Variants in LYSMD2 observed in about 807,000 individuals in gnomAD.
LYSMD2 encodes LysM domain containing 2.
A neutral mutation model predicts 17.7 loss-of-function variants in LYSMD2; 6 were observed. The ratio of observed to expected loss-of-function variants is 0.34; its 90% CI spans 0.19 to 0.67. The LOEUF is 0.67. LYSMD2 is among the 30% of genes least tolerant of loss of function. The probability of loss-of-function intolerance (pLI) is 0.69; values close to 1 mark genes in which losing one functional copy is unlikely to be tolerated. For missense variants in LYSMD2, 237 were observed against 286.7 expected (o/e 0.83, Z 1.25); for synonymous variants, 102 against 129.8 (o/e 0.79, Z 1.45).
At chr15:51,732,871 T>A (rs961111913) in intron 1 of LYSMD2, among the ~76,000 whole-genome samples, 1 of 151,750 alleles carries the variant, frequency 6.6e-6, no homozygotes, top group Non-Finnish European at 1.5e-5. Flanking sequence ...AAAGCCACCA[T>A]CTTATCTGGT....
At chr15:51,729,709 C>T (rs1237947647) in intron 1 of LYSMD2, among the ~76,000 whole-genome samples, 3 of 152,214 alleles carry the variant, frequency 2.0e-5, no homozygotes, top group African/African-American at 2.4e-5. Flanking sequence ...CCACCTGCCT[C>T]GGTCTCCCAA....
intron 1 of LYSMD2, among the ~76,000 whole-genome samples, chr15:51,745,182 A>G (rs2055661398): frequency 6.6e-6 from 1 of 152,188 alleles, no homozygotes; most frequent in East Asian, 1.9e-4. Context: ...TATACCAAAC[A>G]TTTAAAGAAA....
At chr15:51,735,270 G>T (rs780801083) in intron 1 of LYSMD2, among the ~76,000 whole-genome samples, 4 of 152,150 alleles carry the variant, frequency 2.6e-5, no homozygotes, top group Admixed American at 6.5e-5. Flanking sequence ...ACCAGTGGAG[G>T]AGTCTCTAAA....
Position 51,724,797 on chromosome 15 carries a change from C to T in LYSMD2, c.598G>A (p.Glu200Lys). Residue 200 changes from glutamate to lysine, a missense_variant, in exon 2 of 3, where the codon GAG becomes AAG. Physicochemically the swap from Glu to Lys is moderately conservative, Grantham distance 56 (BLOSUM62 1). Transcript: ENST00000267838. ...GTACCAGGGTATTCTTACCTGCTCTCTTCTTTTAGCTTCTTGGCTGCCTGT... is the reference window on the plus strand; with the variant it reads ...GTACCAGGGTATTCTTACCTGCTCTTTTCTTTTAGCTTCTTGGCTGCCTGT... ...STQAAKKLKEESRDEESPYAT... is the reference protein window; with the variant it reads ...STQAAKKLKEKSRDEESPYAT... 1 of 1,612,210 alleles carries T rather than the reference C, an allele frequency of 6.2e-7. No homozygotes were observed. The highest frequency in any genetic ancestry group is 8.5e-7 in the Non-Finnish European group (1 of 1,178,766).
At chr15:51,748,364 A>C (rs1190479912) in intron 1 of LYSMD2, among the ~76,000 whole-genome samples, 1 of 152,092 alleles carries the variant, frequency 6.6e-6, no homozygotes, top group Non-Finnish European at 1.5e-5. Flanking sequence ...TCTGGGTTCA[A>C]ACTCTCTGAT....
chr15:51,728,173 T>G (rs2055552237), intron 1 of LYSMD2, among the ~76,000 whole-genome samples: 1 of 152,192 alleles, frequency 6.6e-6, no homozygotes, highest in Non-Finnish European at 1.5e-5. Flanking sequence ...CTCATGCCTG[T>G]AATCCCAGCA....
Position 51,750,883 on chromosome 15 carries a change from G to T in LYSMD2, c.-1+388C>A, listed in dbSNP as rs144222717. ...TTTAACATTTACCCAGCCCAACGAG[G>T]TCCAACTATCTTTAGGTTAGCACGA... On this transcript the variant is annotated intron_variant, in intron 1 of 2. Transcript: ENST00000454181. 2.7e-3 allele frequency among the ~76,000 whole-genome samples: 409 copies of T among 152,274 alleles called. 3 individuals are homozygous for T. The highest frequency in any genetic ancestry group is 0.014 in the Middle Eastern group (4 of 294).
At chr15:51,748,608 G>A in intron 1 of LYSMD2, among the ~76,000 whole-genome samples, 1 of 152,200 alleles carries the variant, frequency 6.6e-6, no homozygotes, top group Admixed American at 6.5e-5. Flanking sequence ...AAGAAATCCA[G>A]AAGAAGGGCA....
chr15:51,749,818 C>T (rs2055687951), intron 1 of LYSMD2, among the ~76,000 whole-genome samples: 1 of 152,172 alleles, frequency 6.6e-6, no homozygotes, highest in Admixed American at 6.5e-5. Context: ...TTCGGAATAA[C>T]AAATGTACAG....
At chr15:51,731,174 T>C (rs906759905) in intron 1 of LYSMD2, among the ~76,000 whole-genome samples, 1 of 152,184 alleles carries the variant, frequency 6.6e-6, no homozygotes, top group Non-Finnish European at 1.5e-5. Context: ...CTCACAACTC[T>C]GTAAATTTAC....
Position 51,723,486 on chromosome 15 carries a change from G to T in LYSMD2, c.*121C>A. ...CAACTGCAGCAGGTAGAACTACCTA[G>T]TTATGATTTTAAGATGGACACTATA... is the stretch of plus-strand genomic sequence containing the variant. On this transcript the variant is annotated 3_prime_UTR_variant, in exon 3 of 3. Transcript: ENST00000267838. The T allele has an allele frequency of 1.2e-6, 1 of 805,218 alleles. No individual in the cohort carries two copies. 49.9% of individuals were successfully genotyped at this position (805,218 alleles called of 1,614,324 possible). A position where few individuals can be genotyped will look rare whatever the true frequency, so the allele number is the denominator to read the frequency against.
chr15:51,731,577 A>G (rs1414655805), intron 1 of LYSMD2, among the ~76,000 whole-genome samples: 1 of 152,250 alleles, frequency 6.6e-6, no homozygotes, highest in Non-Finnish European at 1.5e-5. Flanking sequence ...AAAACTGGCT[A>G]GGAAGTAACT....
At position 51,724,904 on chromosome 15, in the gene LYSMD2, G is replaced by C; in HGVS notation, c.491C>G (p.Ser164Cys). ...EDLPPPSPQE[S>C]DVQPVQPEEV... ...CTCAGGCTGCACAGGCTGAACATCA[G>C]ATTCTTGAGGACTGGGAGGAGGGAG... Residue 164 changes from serine (S) to cysteine (C), a missense_variant, in exon 2 of 3, where the codon TCT becomes TGT. Physicochemically the swap from Ser to Cys is moderately radical, Grantham distance 112. Transcript: ENST00000267838. 1 of 1,614,116 alleles carries C rather than the reference G, an allele frequency of 6.2e-7. No individual in the cohort carries two copies. Among genetic ancestry groups the C allele is most frequent in the African/African-American group, 1.3e-5 (1 of 75,030 alleles).
At chr15:51,737,662 G>A, upstream of LYSMD2, 1 of 1,199,956 alleles carries the variant, frequency 8.3e-7, no homozygotes, top group Non-Finnish European at 1.0e-6. The surrounding 1 kb of genome is among the most constrained non-coding windows in gnomAD (Gnocchi z 4.2). Context: ...GCTTGCCAAG[G>A]GGGCGGCGCC....
In LYSMD2 at chr15:51,723,386, G is replaced by C; in HGVS notation, c.*221C>G. 1 of 476,126 alleles carries C rather than the reference G, an allele frequency of 2.1e-6. No homozygotes were observed. The highest frequency in any genetic ancestry group is 3.7e-6 in the Non-Finnish European group (1 of 266,784). The allele number at this position is 476,126 out of a possible 1,614,324, so 29.5% of individuals were successfully genotyped here. On this transcript the variant is annotated 3_prime_UTR_variant, in exon 3 of 3. Transcript: ENST00000267838. Reference sequence around the variant, plus strand: ...CCACCTACAAAAGTGATGAGCTTTAGGCTACAACCTTGCCATCATGCCATA... The same window carrying C: ...CCACCTACAAAAGTGATGAGCTTTACGCTACAACCTTGCCATCATGCCATA...
chr15:51,739,432 G>T (rs2055632447), upstream of LYSMD2, among the ~76,000 whole-genome samples: 1 of 152,166 alleles, frequency 6.6e-6, no homozygotes, highest in Non-Finnish European at 1.5e-5. Flanking sequence ...GCATAAGTCT[G>T]CCATGCATAA....
upstream of LYSMD2, chr15:51,737,697 G>C (rs2055621093): frequency 9.4e-7 from 1 of 1,065,510 alleles, no homozygotes; most frequent in Non-Finnish European, 1.2e-6. This position sits in a 1 kb window ranked among gnomAD's most constrained non-coding sequence, Gnocchi z 4.2. Flanking sequence ...CGCCGCCGCC[G>C]CCTCTTCCTC....
intron 1 of LYSMD2, chr15:51,751,258 G>A: frequency 1.4e-6 from 1 of 702,014 alleles, no homozygotes; most frequent in Non-Finnish European, 2.6e-6. Flanking sequence ...CCTGGGGCGG[G>A]CGGGGTCTGT....
chr15:51,745,140 A>G (rs867304157), intron 1 of LYSMD2, among the ~76,000 whole-genome samples: 2 of 152,294 alleles, frequency 1.3e-5, no homozygotes, highest in African/African-American at 4.8e-5. Flanking sequence ...CAACAAAGAA[A>G]AGCCAAGACC....
Sources: allele counts gnomAD v4.1 joint callset (sites outside exome capture counted in the v4.1 genomes callset), GRCh38; gene constraint gnomAD v4.1.1; non-coding constraint Gnocchi (gnomAD v3.1); transcripts MANE v1.5; gene names NCBI Gene and HGNC (gene_info 2026-07-23, HGNC 2026-07-21).